The following PIP5K1B variants were observed in gnomAD, a reference collection of about 807,000 sequenced individuals.
PIP5K1B encodes the protein phosphatidylinositol 4-phosphate 5-kinase type-1 beta.
Under a neutral mutation model 67.0 loss-of-function variants are expected in PIP5K1B, and 42 were observed. The observed-to-expected ratio is 0.63, with a 90% CI of 0.49 to 0.81. PIP5K1B has a LOEUF of 0.81. Ranked by LOEUF, PIP5K1B falls within the 30% of genes least tolerant of loss-of-function variation. PIP5K1B has a pLI of 0.00. For synonymous variants in PIP5K1B, 214 were observed against 231.4 expected (o/e 0.92, Z 0.68); for missense variants, 459 against 646.3 (o/e 0.71, Z 3.14).
chr9:68,915,210 C>T (rs1363453879), intron 8 of PIP5K1B, among the ~76,000 whole-genome samples: 1 of 152,068 alleles, frequency 6.6e-6, no homozygotes, highest in African/African-American at 2.4e-5. Context: ...CATCCCTCAT[C>T]CCCCATGTCC....
At chr9:68,988,075 T>C (rs1461043035) in intron 14 of PIP5K1B, among the ~76,000 whole-genome samples, 1 of 152,184 alleles carries the variant, frequency 6.6e-6, no homozygotes. Context: ...TTCACACTGA[T>C]GGGCTTATGG....
chr9:68,834,985 G>T (rs1247936793), intron 4 of PIP5K1B, among the ~76,000 whole-genome samples: 1 of 151,488 alleles, frequency 6.6e-6, no homozygotes, highest in Non-Finnish European at 1.5e-5. Context: ...CCAGATGTTG[G>T]CTCAATTAAA....
chr9:68,742,919 C>A (rs1829085942), intron 2 of PIP5K1B, among the ~76,000 whole-genome samples: 2 of 152,166 alleles, frequency 1.3e-5, no homozygotes, highest in Non-Finnish European at 2.9e-5. Context: ...GAGTGGTCAA[C>A]AATGATGGAT....
chr9:68,754,721 T>C (rs1292470201), intron 2 of PIP5K1B, among the ~76,000 whole-genome samples: 1 of 152,194 alleles, frequency 6.6e-6, no homozygotes, highest in Non-Finnish European at 1.5e-5. Flanking sequence ...CAGTTTACAT[T>C]ATTTATAATT....
intron 14 of PIP5K1B, among the ~76,000 whole-genome samples, chr9:68,970,957 G>C (rs1469860775): frequency 6.6e-6 from 1 of 152,118 alleles, no homozygotes; most frequent in African/African-American, 2.4e-5. Flanking sequence ...TTGCAAGCCA[G>C]TTGTTAAGAA....
intron 4 of PIP5K1B, among the ~76,000 whole-genome samples, chr9:68,854,581 A>G (rs949508147): frequency 4.6e-5 from 7 of 152,218 alleles, no homozygotes; most frequent in Non-Finnish European, 8.8e-5. Flanking sequence ...TAAAAGCACA[A>G]TCATTACATA....
rs200612959 is a variant in PIP5K1B, at chr9:68,986,522, A to G, written c.1503-4618A>G. 2.0e-5 allele frequency among the ~76,000 whole-genome samples: 3 copies of G among 152,164 alleles called. No homozygotes were observed. The East Asian group carries it at 5.8e-4, about 29-fold the overall frequency. On this transcript the variant is annotated intron_variant, in intron 14 of 15. Transcript: ENST00000265382. Reference sequence around the variant, plus strand: ...GCCTCATTTTTGTCACCCAAATTTAATGATATTCAAAATATTCTACTTACT... The same window carrying G: ...GCCTCATTTTTGTCACCCAAATTTAGTGATATTCAAAATATTCTACTTACT...
chr9:68,875,694 C>T (rs893539746), intron 5 of PIP5K1B, among the ~76,000 whole-genome samples: 1 of 152,278 alleles, frequency 6.6e-6, no homozygotes. Context: ...GATAAACTTG[C>T]ATAGGCTCTC....
At chr9:68,833,840 TG>T (rs1323822206) in intron 4 of PIP5K1B, among the ~76,000 whole-genome samples, 5 of 152,048 alleles carry the variant, frequency 3.3e-5, no homozygotes, top group Non-Finnish European at 7.4e-5. Flanking sequence ...CAGAGATGAA[TG>T]GTAGGGGGGA....
intron 15 of PIP5K1B, among the ~76,000 whole-genome samples, chr9:68,993,861 C>T (rs921927194): frequency 2.0e-5 from 3 of 152,078 alleles, no homozygotes; most frequent in Non-Finnish European, 4.4e-5. Flanking sequence ...TGTGGTCCTG[C>T]CTAAACTTGA....
intron 1 of PIP5K1B, among the ~76,000 whole-genome samples, chr9:68,730,998 C>A (rs1041474062): frequency 1.3e-5 from 2 of 152,230 alleles, no homozygotes. Flanking sequence ...TTGAAATATG[C>A]TTCTTCAATC....
intron 4 of PIP5K1B, among the ~76,000 whole-genome samples, chr9:68,862,822 AATAT>A (rs10573796): frequency 2.8e-5 from 4 of 144,396 alleles, no homozygotes; most frequent in African/African-American, 2.5e-5. Context: ...TAAATAAATA[AATAT>A]ATATATATAT....
At chr9:68,772,431 G>A (rs1280374780) in intron 2 of PIP5K1B, among the ~76,000 whole-genome samples, 1 of 152,216 alleles carries the variant, frequency 6.6e-6, no homozygotes, top group Non-Finnish European at 1.5e-5. Context: ...GGGGTTTTAA[G>A]TGAATAAATA....
intron 1 of PIP5K1B, among the ~76,000 whole-genome samples, chr9:68,735,503 C>T (rs1353746016): frequency 6.6e-6 from 1 of 151,934 alleles, no homozygotes; most frequent in Non-Finnish European, 1.5e-5. Flanking sequence ...ATTCTTGTGC[C>T]TTAGCCTCCC....
chr9:68,765,014 C>T (rs1020999513), intron 2 of PIP5K1B, among the ~76,000 whole-genome samples: 1 of 152,032 alleles, frequency 6.6e-6, no homozygotes, highest in Non-Finnish European at 1.5e-5. Flanking sequence ...TGTTTTAAAG[C>T]ATTTCAACAA....
chr9:68,853,991 G>A (rs960994799), intron 4 of PIP5K1B, among the ~76,000 whole-genome samples: 9 of 151,578 alleles, frequency 5.9e-5, no homozygotes, highest in Non-Finnish European at 1.0e-4. Flanking sequence ...CAAGCTGGGG[G>A]AAGAGAGAGA....
intron 8 of PIP5K1B, among the ~76,000 whole-genome samples, chr9:68,910,108 T>C (rs1420180972): frequency 6.6e-6 from 1 of 152,204 alleles, no homozygotes; most frequent in Non-Finnish European, 1.5e-5. Context: ...TGACCAAGCC[T>C]GTGACATGCT....
chr9:68,999,305 T>C (rs1830718190), intron 15 of PIP5K1B, among the ~76,000 whole-genome samples: 1 of 152,182 alleles, frequency 6.6e-6, no homozygotes, highest in African/African-American at 2.4e-5. Context: ...GATAAGAATA[T>C]TGGGGGGACA....
chr9:68,855,280 C>T (rs1053759114), intron 4 of PIP5K1B, among the ~76,000 whole-genome samples: 16 of 152,170 alleles, frequency 1.1e-4, no homozygotes, highest in Non-Finnish European at 1.8e-4. Flanking sequence ...TTTCCTCCTT[C>T]CATCTATTTT....
Sources: gnomAD v4.1 joint callset for allele counts (sites outside exome capture counted in the v4.1 genomes callset) on GRCh38, gnomAD v4.1.1 for gene constraint, MANE v1.5 for transcripts, NCBI Gene and HGNC (gene_info 2026-07-23, HGNC 2026-07-21) for gene names.